The following WDR59 variants were observed in gnomAD, a reference collection of about 807,000 sequenced individuals.
WDR59 encodes WD repeat domain 59, also known as GATOR2 complex protein WDR59.
A neutral mutation model predicts 131.2 loss-of-function variants in WDR59; 100 were observed. That is an observed-to-expected ratio of 0.76 (90% CI 0.65 to 0.90). The LOEUF is 0.90. Among genes scored for constraint, WDR59 ranks in the 40% least tolerant of loss-of-function variants. WDR59 has a pLI of 0.00. For missense variants in WDR59, 1,203 were observed against 1,262.2 expected, an observed-to-expected ratio of 0.95 and a Z score of 0.71; for synonymous variants, 601 against 466.2, an observed-to-expected ratio of 1.29 and a Z score of -3.72.
At chr16:74,927,813 G>C (rs1174608258) in intron 8 of WDR59, among the ~76,000 whole-genome samples, 1 of 150,760 alleles carries the variant, frequency 6.6e-6, no homozygotes, top group Non-Finnish European at 1.5e-5. Flanking sequence ...TCGTTTCCAT[G>C]TCACATGAGA....
At chr16:74,976,286 G>A (rs1027551117) in intron 1 of WDR59, among the ~76,000 whole-genome samples, 3 of 152,134 alleles carry the variant, frequency 2.0e-5, no homozygotes, top group African/African-American at 7.2e-5. Flanking sequence ...TGGCAAAGCT[G>A]TTGCAATGCT....
intron 7 of WDR59, among the ~76,000 whole-genome samples, chr16:74,941,584 C>A (rs1440323422): frequency 6.6e-6 from 1 of 151,732 alleles, no homozygotes; most frequent in African/African-American, 2.4e-5. Context: ...GTCCCAGCTA[C>A]TGGGGAGGCT....
At chr16:74,895,583 G>T (rs1965261014) in intron 18 of WDR59, among the ~76,000 whole-genome samples, 2 of 152,146 alleles carry the variant, frequency 1.3e-5, no homozygotes, top group Non-Finnish European at 2.9e-5. Context: ...TTAAGAAGCA[G>T]TTCAGTGACT....
intron 8 of WDR59, among the ~76,000 whole-genome samples, chr16:74,936,872 C>T (rs894755195): frequency 1.3e-5 from 2 of 151,788 alleles, no homozygotes; most frequent in Non-Finnish European, 2.9e-5. Flanking sequence ...GTAATACGAA[C>T]GAACAAACAA....
chr16:74,971,380 C>T (rs767729933), intron 1 of WDR59, among the ~76,000 whole-genome samples: 2 of 147,858 alleles, frequency 1.4e-5, no homozygotes, highest in Non-Finnish European at 3.0e-5. Flanking sequence ...TACCCATACA[C>T]TTTATACTGT....
At chr16:74,898,648 C>T (rs557301923) in intron 18 of WDR59, among the ~76,000 whole-genome samples, 4 of 152,298 alleles carry the variant, frequency 2.6e-5, no homozygotes, top group Admixed American at 6.5e-5. Flanking sequence ...GTTACTGCTA[C>T]GATCAGAGGC....
intron 1 of WDR59, among the ~76,000 whole-genome samples, chr16:74,966,531 T>A (rs1008262444): frequency 6.6e-6 from 1 of 151,988 alleles, no homozygotes; most frequent in Non-Finnish European, 1.5e-5. Context: ...CTGGAGCCCA[T>A]GGGGAGGCTG....
At chr16:74,965,119 G>GA (rs1197965557) in intron 2 of WDR59, among the ~76,000 whole-genome samples, 1 of 152,124 alleles carries the variant, frequency 6.6e-6, no homozygotes, top group Non-Finnish European at 1.5e-5. Flanking sequence ...TGCCCAGGCT[G>GA]GTCTTGAACT....
At chr16:74,930,892 C>CAAAAAA (rs36074951) in intron 8 of WDR59, 20 of 79,606 alleles carry the variant, frequency 2.5e-4, no homozygotes, top group East Asian at 7.6e-4. Context: ...GACTCCATCT[C>CAAAAAA]AAAAAAAAAA....
intron 8 of WDR59, among the ~76,000 whole-genome samples, chr16:74,934,364 C>A (rs2031635275): frequency 6.6e-6 from 1 of 152,022 alleles, no homozygotes. Context: ...TGTTCACCAA[C>A]TGGTGACAAT....
At chr16:74,929,355 G>T (rs137861186) in intron 8 of WDR59, among the ~76,000 whole-genome samples, 4,109 of 152,248 alleles carry the variant, frequency 0.027, 84 homozygotes, top group Middle Eastern at 0.058. Context: ...GATTATAGGC[G>T]TGAGCCACTG....
intron 7 of WDR59, among the ~76,000 whole-genome samples, chr16:74,940,663 A>G (rs977576146): frequency 2.6e-5 from 4 of 151,938 alleles, no homozygotes; most frequent in Non-Finnish European, 5.9e-5. Flanking sequence ...AAGTTCTACA[A>G]CTCACCTGAG....
At chr16:74,946,879 A>G (rs1357814018) in intron 6 of WDR59, among the ~76,000 whole-genome samples, 1 of 152,186 alleles carries the variant, frequency 6.6e-6, no homozygotes, top group Non-Finnish European at 1.5e-5. Flanking sequence ...CAGAGCAAAC[A>G]CCAAATGTGT....
chr16:74,898,427 T>C (rs1478851539), intron 18 of WDR59, among the ~76,000 whole-genome samples: 1 of 152,006 alleles, frequency 6.6e-6, no homozygotes, highest in Non-Finnish European at 1.5e-5. Context: ...TGAGAAGAAA[T>C]TGAGGGAAAA....
rs550723863 is a variant in WDR59 at position 74,887,700 on chromosome 16, G to C, written c.2402C>G (p.Thr801Ser). The change falls in exon 23 of 26, where the codon ACT (threonine) becomes AGT (serine). Residue 801 changes from threonine to serine, a missense_variant. By Grantham distance (58) the Thr-to-Ser change is moderately conservative (BLOSUM62 1). Coordinates refer to ENST00000262144, the MANE Select transcript of WDR59 (RefSeq NM_030581.4). ...ATACAAACCTATGTTCCAGCCGCCA[G>C]TGTTGAGCCCTGGGTCTGACATACT... is the stretch of plus-strand genomic sequence containing the variant. Reference protein sequence around the residue: ...CSSMSDPGLNTGGWNIAGREA... With the variant: ...CSSMSDPGLNSGGWNIAGREA... 5 of 1,614,036 alleles carry C rather than the reference G, an allele frequency of 3.1e-6. No homozygotes were observed. The highest frequency in any genetic ancestry group is 4.2e-6 in the Non-Finnish European group (5 of 1,180,014).
chr16:74,907,117 T>G (rs901686452), intron 17 of WDR59, among the ~76,000 whole-genome samples: 1 of 146,452 alleles, frequency 6.8e-6, no homozygotes, highest in Non-Finnish European at 1.5e-5. Flanking sequence ...TGAACCCCAG[T>G]TCCCATGGGG....
At chr16:74,950,054 T>C (rs1416013164) in intron 4 of WDR59, 5 of 510,664 alleles carry the variant, frequency 9.8e-6, no homozygotes, top group African/African-American at 1.9e-5. Context: ...AAACATTCTC[T>C]CTCTGGGCTG....
intron 25 of WDR59, among the ~76,000 whole-genome samples, chr16:74,885,156 T>C (rs374342417): frequency 6.6e-6 from 1 of 152,050 alleles, no homozygotes; most frequent in African/African-American, 2.4e-5. Flanking sequence ...TCTGTTGCAA[T>C]AGAAACTGCA....
chr16:74,981,072 A>AC (rs199668662), intron 1 of WDR59, among the ~76,000 whole-genome samples: 9,207 of 151,548 alleles, frequency 0.061, 304 homozygotes, highest in Middle Eastern at 0.14. Flanking sequence ...TGCAAAAAAA[A>AC]ACACACAAAA....
Sources: gnomAD v4.1 joint callset for allele counts (sites outside exome capture counted in the v4.1 genomes callset) on GRCh38, gnomAD v4.1.1 for gene constraint, MANE v1.5 for transcripts, NCBI Gene and HGNC (gene_info 2026-07-23, HGNC 2026-07-21) for gene names.